The following CMSS1 variants were observed in gnomAD, a reference collection of about 807,000 sequenced individuals.
The protein encoded by CMSS1 is cms1 ribosomal small subunit homolog, also known as protein CMSS1.
A neutral mutation model predicts 43.5 loss-of-function variants in CMSS1; 33 were observed. The ratio of observed to expected loss-of-function variants is 0.76; its 90% CI spans 0.57 to 1.01. The LOEUF is 1.01. Among genes scored for constraint, CMSS1 ranks in the 50% least tolerant of loss-of-function variants. The pLI, the probability that CMSS1 is intolerant of heterozygous loss-of-function variation, is 0.00. For missense variants in CMSS1, 313 were observed against 326.4 expected (o/e 0.96, Z 0.32); for synonymous variants, 115 against 117.2 (o/e 0.98, Z 0.12).
At chr3:99,959,027 C>T (rs748063304) in intron 1 of CMSS1, among the ~76,000 whole-genome samples, 19 of 151,594 alleles carry the variant, frequency 1.3e-4, no homozygotes, top group South Asian at 1.0e-3. Flanking sequence ...TTTTTTAATC[C>T]GATAAATTAT....
chr3:99,902,982 T>A (rs1021040024), intron 1 of CMSS1, among the ~76,000 whole-genome samples: 2 of 152,190 alleles, frequency 1.3e-5, no homozygotes, highest in Non-Finnish European at 2.9e-5. Flanking sequence ...CTAGAACTGT[T>A]AGAATCTGAG....
chr3:99,988,522 A>C, intron 1 of CMSS1, among the ~76,000 whole-genome samples: 1 of 141,398 alleles, frequency 7.1e-6, no homozygotes, highest in Non-Finnish European at 1.5e-5. Context: ...AAAAAAAAAA[A>C]AAAAAAAAGA....
intron 1 of CMSS1, among the ~76,000 whole-genome samples, chr3:99,843,381 T>C (rs1943217707): frequency 6.6e-6 from 1 of 152,142 alleles, no homozygotes; most frequent in Non-Finnish European, 1.5e-5. Context: ...AGCTTTCCTT[T>C]TAAATAAAAA....
At chr3:99,991,119 C>T (rs1168135651) in intron 1 of CMSS1, among the ~76,000 whole-genome samples, 1 of 152,176 alleles carries the variant, frequency 6.6e-6, no homozygotes, top group Non-Finnish European at 1.5e-5. Flanking sequence ...CCCATCTCCC[C>T]CCATAATGGA....
chr3:100,014,461 C>G (rs563004531), intron 1 of CMSS1, among the ~76,000 whole-genome samples: 5 of 152,256 alleles, frequency 3.3e-5, no homozygotes, highest in African/African-American at 1.2e-4. Context: ...TTCCCACCAA[C>G]AGTGTATAAG....
At chr3:99,885,817 C>T (rs909515533) in intron 1 of CMSS1, among the ~76,000 whole-genome samples, 2 of 152,152 alleles carry the variant, frequency 1.3e-5, no homozygotes, top group African/African-American at 4.8e-5. Context: ...CTTTTGTGTA[C>T]ATTTACCAAC....
At chr3:100,084,208 G>T (rs1356278288) in intron 1 of CMSS1, among the ~76,000 whole-genome samples, 1 of 152,078 alleles carries the variant, frequency 6.6e-6, no homozygotes, top group African/African-American at 2.4e-5. Flanking sequence ...GTTATTTCAT[G>T]TACATGTTTA....
chr3:99,973,867 TAA>T (rs1439747473), intron 1 of CMSS1, among the ~76,000 whole-genome samples: 1 of 152,204 alleles, frequency 6.6e-6, no homozygotes, highest in Non-Finnish European at 1.5e-5. Flanking sequence ...ATGGTTGCTC[TAA>T]GTTTTAGGTG....
chr3:100,171,740 C>T lies in CMSS1; in HGVS notation c.519-99C>T, dbSNP rs6808905. ...ATATGCACATATATACACACGTATG[C>T]ACACATCCTTTGAATAAAGCAAGAC... On this transcript the variant is annotated intron_variant, in intron 6 of 9. Transcript: ENST00000421999. 1,006 of 931,220 alleles carry T rather than the reference C, an allele frequency of 1.1e-3. 10 individuals carry two copies. In the African/African-American group the frequency reaches 0.015, roughly 14 times the overall value. 57.7% of individuals were successfully genotyped at this position (931,220 alleles called of 1,614,324 possible).
intron 1 of CMSS1, among the ~76,000 whole-genome samples, chr3:99,892,828 G>A (rs1381006377): frequency 6.6e-6 from 1 of 152,196 alleles, no homozygotes; most frequent in Non-Finnish European, 1.5e-5. Context: ...TTTTATCCTT[G>A]ATCTAAACAT....
intron 1 of CMSS1, among the ~76,000 whole-genome samples, chr3:99,937,661 A>G (rs1707721860): frequency 6.6e-6 from 1 of 152,198 alleles, no homozygotes; most frequent in South Asian, 2.1e-4. Context: ...CCCATGTCCT[A>G]CAGAGTTGGA....
At chr3:99,957,320 G>A (rs1222982752) in intron 1 of CMSS1, among the ~76,000 whole-genome samples, 2 of 152,024 alleles carry the variant, frequency 1.3e-5, no homozygotes, top group Non-Finnish European at 2.9e-5. Context: ...CATATTCTAA[G>A]CATTAACAGA....
chr3:100,086,275 T>C (rs2066006903), intron 1 of CMSS1, among the ~76,000 whole-genome samples: 1 of 152,212 alleles, frequency 6.6e-6, no homozygotes, highest in Non-Finnish European at 1.5e-5. Flanking sequence ...AGTCATTCAG[T>C]ACCACAGAAG....
At chr3:99,834,645 T>G (rs1942821417) in intron 1 of CMSS1, among the ~76,000 whole-genome samples, 1 of 152,224 alleles carries the variant, frequency 6.6e-6, no homozygotes, top group South Asian at 2.1e-4. Flanking sequence ...TTTACTCAGC[T>G]TTTCTTTTTT....
At chr3:99,818,652 G>C (rs775199272) in intron 1 of CMSS1, among the ~76,000 whole-genome samples, 10 of 152,174 alleles carry the variant, frequency 6.6e-5, no homozygotes, top group Admixed American at 3.9e-4. Context: ...CTGGAAGGAG[G>C]CTTAAATAGA....
intron 1 of CMSS1, among the ~76,000 whole-genome samples, chr3:99,823,567 C>G (rs1004907292): frequency 6.6e-6 from 1 of 152,206 alleles, no homozygotes; most frequent in Non-Finnish European, 1.5e-5. Flanking sequence ...CGCTCTGCCT[C>G]CATTGGAGTA....
intron 8 of CMSS1, among the ~76,000 whole-genome samples, chr3:100,174,066 G>A (rs1297815046): frequency 2.6e-5 from 4 of 152,172 alleles, no homozygotes; most frequent in Admixed American, 6.5e-5. Context: ...TGGAAACTTC[G>A]TGGGCTCTAG....
chr3:99,961,959 A>G (rs1708505401), intron 1 of CMSS1, among the ~76,000 whole-genome samples: 1 of 152,198 alleles, frequency 6.6e-6, no homozygotes. Flanking sequence ...CTGATCTATT[A>G]ATAGCAGAGT....
intron 1 of CMSS1, among the ~76,000 whole-genome samples, chr3:99,887,999 C>A (rs561454812): frequency 2.6e-5 from 4 of 152,156 alleles, no homozygotes; most frequent in Non-Finnish European, 4.4e-5. Context: ...CCACCTTGGC[C>A]TCCCAAAGTA....
Sources: allele counts gnomAD v4.1 joint callset (sites outside exome capture counted in the v4.1 genomes callset), GRCh38; gene constraint gnomAD v4.1.1; transcripts MANE v1.5; gene names NCBI Gene and HGNC (gene_info 2026-07-23, HGNC 2026-07-21).